AHCYL2: variants seen among roughly 807,000 people sequenced by gnomAD.
AHCYL2 encodes adenosylhomocysteinase like 2, also known as S-adenosylhomocysteine hydrolase-like protein 2.
A neutral mutation model predicts 81.4 loss-of-function variants in AHCYL2; 28 were observed. The ratio of observed to expected loss-of-function variants is 0.34; its 90% CI spans 0.25 to 0.47. The LOEUF (loss-of-function observed/expected upper bound fraction) is 0.47, where lower values mean the gene tolerates loss of function less well. AHCYL2 is among the 20% of genes least tolerant of loss of function. The probability of loss-of-function intolerance (pLI) is 1.00; values close to 1 mark genes in which losing one functional copy is unlikely to be tolerated. For synonymous variants in AHCYL2, 272 were observed against 290.2 expected, an observed-to-expected ratio of 0.94 and a Z score of 0.64; for missense variants, 551 against 785.1, an observed-to-expected ratio of 0.70 and a Z score of 3.56.
intron 1 of AHCYL2, among the ~76,000 whole-genome samples, chr7:129,271,908 C>A (rs2150729441): frequency 6.6e-6 from 1 of 152,274 alleles, no homozygotes; most frequent in Middle Eastern, 3.4e-3. Context: ...ATGTTAGTTC[C>A]TTCCCTCCAC....
chr7:129,312,983 G>A (rs533807635), intron 1 of AHCYL2, among the ~76,000 whole-genome samples: 1 of 152,244 alleles, frequency 6.6e-6, no homozygotes. Flanking sequence ...TTTTTACCCT[G>A]CAGTACTTTT....
chr7:129,337,794 A>ATT (rs1183943002), intron 1 of AHCYL2, among the ~76,000 whole-genome samples: 2 of 152,160 alleles, frequency 1.3e-5, no homozygotes, highest in African/African-American at 2.4e-5. Context: ...CCCAGGCTGG[A>ATT]GTGCAATGGC....
rs553130030 is a variant in AHCYL2, at chr7:129,238,487, T to G, written c.363+13048T>G. Among the ~76,000 whole-genome samples, 4 of 152,156 alleles carry G rather than the reference T, an allele frequency of 2.6e-5. No homozygotes were observed. The South Asian group carries it at 8.3e-4, about 32-fold the overall frequency. Reference sequence around the variant, plus strand: ...TGTCAAATACTGCTAAGTGCTAGAGTTATAAGTTAGCAAGATACCATTCTT... The same window carrying G: ...TGTCAAATACTGCTAAGTGCTAGAGGTATAAGTTAGCAAGATACCATTCTT... On this transcript the variant is annotated intron_variant, in intron 1 of 16. Coordinates refer to ENST00000325006, the MANE Select transcript of AHCYL2 (RefSeq NM_015328.4).
intron 4 of AHCYL2, among the ~76,000 whole-genome samples, chr7:129,390,124 T>C (rs746154007): frequency 6.6e-6 from 1 of 152,216 alleles, no homozygotes; most frequent in African/African-American, 2.4e-5. Flanking sequence ...GTTTAATTTA[T>C]GCAATTGGCC....
chr7:129,425,128 G>A lies in AHCYL2; in HGVS notation c.1695G>A (p.Leu565=), dbSNP rs769258747. Residue 565 remains leucine, a synonymous_variant, in exon 15 of 17, where the codon TTG becomes TTA. Coordinates refer to ENST00000325006, the MANE Select transcript of AHCYL2 (RefSeq NM_015328.4). ...EGRYKQDVYL[L]PKKMDEYVAS... ...GCTATAAGCAGGATGTCTACCTGTT[G>A]CCCAAGAAGATGGGTAAGTATTTAC... The A allele has an allele frequency of 6.2e-7, 1 of 1,613,108 alleles. No homozygotes were observed. Among genetic ancestry groups the A allele is most frequent in the East Asian group, 2.2e-5 (1 of 44,880 alleles).
At chr7:129,388,948 A>G (rs1401350095) in intron 2 of AHCYL2, 108 bp from the exon 3 acceptor site, 1 of 1,367,746 alleles carries the variant, frequency 7.3e-7, no homozygotes, top group African/African-American at 1.5e-5. Context: ...GAGGTAAAAA[A>G]ATTTATATGG....
intron 12 of AHCYL2, among the ~76,000 whole-genome samples, chr7:129,416,140 C>A (rs1415713475): frequency 2.0e-5 from 3 of 152,214 alleles, no homozygotes; most frequent in East Asian, 3.9e-4. Context: ...TTTATTATCT[C>A]CTCATGACTT....
At chr7:129,290,021 A>G (rs1475886952) in intron 1 of AHCYL2, among the ~76,000 whole-genome samples, 1 of 151,960 alleles carries the variant, frequency 6.6e-6, no homozygotes, top group South Asian at 2.1e-4. Flanking sequence ...ACCTCAGGTG[A>G]TCCTCCCGCC....
rs1365656570 is a variant in AHCYL2 at position 129,426,243 on chromosome 7, A to G, written c.1709-200A>G. Among the ~76,000 whole-genome samples the G allele has an allele frequency of 6.6e-6, 1 of 152,222 alleles. No individual in the cohort carries two copies. Among genetic ancestry groups the G allele is most frequent in the Non-Finnish European group, 1.5e-5 (1 of 68,038 alleles). The stretch of plus-strand genomic sequence containing the variant: ...CTGAGTTAGTAAGGATGAATTATTA[A>G]GGCTTTGGAAAGCACTGGGCTTGAA... On this transcript the variant is annotated intron_variant, in intron 15 of 16. Coordinates refer to ENST00000325006, the MANE Select transcript of AHCYL2 (RefSeq NM_015328.4). This position sits in a 1 kb window ranked among gnomAD's most constrained non-coding sequence, Gnocchi z 4.3.
intron 1 of AHCYL2, among the ~76,000 whole-genome samples, chr7:129,253,839 A>C (rs1795322457): frequency 6.6e-6 from 1 of 152,210 alleles, no homozygotes; most frequent in Non-Finnish European, 1.5e-5. Context: ...ATACTTGTTT[A>C]GGTTTTCATG....
chr7:129,242,940 G>A (rs1794915284), intron 1 of AHCYL2, among the ~76,000 whole-genome samples: 1 of 151,338 alleles, frequency 6.6e-6, no homozygotes, highest in African/African-American at 2.4e-5. Flanking sequence ...TAGTTCATTT[G>A]GATTTCCTTT....
At chr7:129,237,467 C>T (rs918469492) in intron 1 of AHCYL2, among the ~76,000 whole-genome samples, 3 of 152,026 alleles carry the variant, frequency 2.0e-5, no homozygotes, top group Admixed American at 6.6e-5. Flanking sequence ...TATTTATTAA[C>T]GCAAATATGA....
chr7:129,255,711 G>T (rs953049414), intron 1 of AHCYL2, among the ~76,000 whole-genome samples: 1 of 152,130 alleles, frequency 6.6e-6, no homozygotes, highest in Non-Finnish European at 1.5e-5. Flanking sequence ...GGCTTGGCGC[G>T]GTGGTCCACG....
At chr7:129,425,663 T>A (rs1045257249) in intron 15 of AHCYL2, among the ~76,000 whole-genome samples, 3 of 152,214 alleles carry the variant, frequency 2.0e-5, no homozygotes, top group Non-Finnish European at 4.4e-5. Context: ...CTGTCTTAAA[T>A]TTTTAAAGAG....
chr7:129,239,429 A>T (rs1021447208), intron 1 of AHCYL2, among the ~76,000 whole-genome samples: 1 of 150,738 alleles, frequency 6.6e-6, no homozygotes, highest in Non-Finnish European at 1.5e-5. Context: ...CATTTTTATT[A>T]ATTTTTTTTT....
chr7:129,424,438 C>G (rs1045634496), intron 13 of AHCYL2, among the ~76,000 whole-genome samples: 5 of 151,898 alleles, frequency 3.3e-5, no homozygotes, highest in African/African-American at 4.8e-5. Context: ...ATCATCACAG[C>G]TTCCTAAGTC....
chr7:129,371,135 C>G (rs944562442), intron 1 of AHCYL2, among the ~76,000 whole-genome samples: 1 of 152,122 alleles, frequency 6.6e-6, no homozygotes, highest in Non-Finnish European at 1.5e-5. Context: ...CATGTTGGGC[C>G]AAAGTTTCAA....
At chr7:129,240,654 C>T (rs2150688404) in intron 1 of AHCYL2, among the ~76,000 whole-genome samples, 1 of 151,850 alleles carries the variant, frequency 6.6e-6, no homozygotes, top group Non-Finnish European at 1.5e-5. Context: ...CTTATTTTCT[C>T]TCAGGAGCTT....
At chr7:129,404,890 T>C (rs1245063873) in intron 7 of AHCYL2, among the ~76,000 whole-genome samples, 2 of 152,184 alleles carry the variant, frequency 1.3e-5, no homozygotes, top group African/African-American at 2.4e-5. Flanking sequence ...CCCACATGAC[T>C]TTTGAATAAA....
Sources: gnomAD v4.1 joint callset for allele counts (sites outside exome capture counted in the v4.1 genomes callset) on GRCh38, gnomAD v4.1.1 for gene constraint, Gnocchi (gnomAD v3.1) non-coding constraint, MANE v1.5 for transcripts, NCBI Gene and HGNC (gene_info 2026-07-23, HGNC 2026-07-21) for gene names.